Variants in FOXN3 observed in about 807,000 individuals in gnomAD.
The protein encoded by FOXN3 is forkhead box protein N3.
FOXN3 carries 7 observed loss-of-function variants against 38.4 expected under a neutral mutation model. The ratio of observed to expected loss-of-function variants is 0.18; its 90% CI spans 0.10 to 0.34. The LOEUF (loss-of-function observed/expected upper bound fraction) is 0.34, where lower values mean the gene tolerates loss of function less well. FOXN3 is among the 10% of genes least tolerant of loss of function. The pLI is 1.00. For missense variants in FOXN3, 456 were observed against 613.4 expected (o/e 0.74, Z 2.71); for synonymous variants, 230 against 242.2 (o/e 0.95, Z 0.47).
intron 4 of FOXN3, among the ~76,000 whole-genome samples, chr14:89,190,886 C>T (rs905395947): frequency 5.9e-5 from 9 of 152,048 alleles, no homozygotes; most frequent in African/African-American, 2.2e-4. Context: ...TAGTGAGATA[C>T]AAACAAGACA....
chr14:89,515,661 A>G (rs1358953774), intron 1 of FOXN3, among the ~76,000 whole-genome samples: 6 of 152,152 alleles, frequency 3.9e-5, no homozygotes, highest in African/African-American at 1.4e-4. Context: ...ACTTGAACCC[A>G]GGAGGTGGAG....
intron 1 of FOXN3, among the ~76,000 whole-genome samples, chr14:89,433,115 G>A (rs888473011): frequency 1.4e-4 from 22 of 152,296 alleles, no homozygotes; most frequent in South Asian, 6.2e-4. Context: ...TTGGGAGGCC[G>A]AGGCGGGGTG....
chr14:89,454,130 CCT>C (rs1892674198), intron 1 of FOXN3, among the ~76,000 whole-genome samples: 2 of 152,294 alleles, frequency 1.3e-5, no homozygotes, highest in African/African-American at 4.8e-5. Context: ...ATGGCGAAAC[CCT>C]GTCTCTTCTA....
intron 4 of FOXN3, 101 bp from the exon 5 acceptor site, chr14:89,180,907 A>C: frequency 1.1e-6 from 1 of 917,504 alleles, no homozygotes; most frequent in South Asian, 1.7e-5. Flanking sequence ...AGAGAGAGAG[A>C]GACAGAGGGC....
chr14:89,549,926 T>G (rs1341006635), intron 1 of FOXN3, among the ~76,000 whole-genome samples: 2 of 152,156 alleles, frequency 1.3e-5, no homozygotes, highest in Non-Finnish European at 2.9e-5. Flanking sequence ...AAGTCTTCAT[T>G]CACATTACAT....
chr14:89,262,831 A>G (rs1885848605), intron 4 of FOXN3, among the ~76,000 whole-genome samples: 1 of 152,244 alleles, frequency 6.6e-6, no homozygotes, highest in South Asian at 2.1e-4. Flanking sequence ...ATGTATGGAG[A>G]CTTTCAGTTT....
chr14:89,279,667 T>C (rs1381976219), intron 4 of FOXN3, among the ~76,000 whole-genome samples: 1 of 152,216 alleles, frequency 6.6e-6, no homozygotes, highest in Non-Finnish European at 1.5e-5. Context: ...GTGGAGGGAC[T>C]TCCTTTTGTT....
At chr14:89,214,440 G>A (rs1464227272) in intron 4 of FOXN3, among the ~76,000 whole-genome samples, 1 of 152,192 alleles carries the variant, frequency 6.6e-6, no homozygotes, top group Non-Finnish European at 1.5e-5. Context: ...TTGCTCCGCT[G>A]CCCCGACAAC....
chr14:89,604,255 ACGCG>A (rs10618382), intron 1 of FOXN3, among the ~76,000 whole-genome samples: 1 of 151,156 alleles, frequency 6.6e-6, no homozygotes, highest in Admixed American at 6.6e-5. Context: ...GCGCACACAC[ACGCG>A]CGCGCACACA....
chr14:89,236,076 C>T (rs1054928347), intron 4 of FOXN3, among the ~76,000 whole-genome samples: 6 of 152,186 alleles, frequency 3.9e-5, no homozygotes, highest in African/African-American at 1.2e-4. Flanking sequence ...GCAAGCTTTG[C>T]TCTATGAAAA....
intron 1 of FOXN3, among the ~76,000 whole-genome samples, chr14:89,443,187 AT>A (rs1892422559): frequency 6.6e-6 from 1 of 152,232 alleles, no homozygotes; most frequent in South Asian, 2.1e-4. Flanking sequence ...TGCATGACAA[AT>A]AATTAGCTAA....
intron 1 of FOXN3, among the ~76,000 whole-genome samples, chr14:89,487,672 G>C (rs765178152): frequency 1.3e-5 from 2 of 152,164 alleles, no homozygotes; most frequent in Non-Finnish European, 2.9e-5. Context: ...TCGCATCATG[G>C]AGGGATGAAG....
rs546295617 is a variant in FOXN3, at chr14:89,590,841, G to A, written c.-15+28187C>T. ...TCTGATTTACCTTGTCTGATAGTAGGTCATAAGACCCTCATTCCAGGGGAG... is the reference window on the plus strand; with the variant it reads ...TCTGATTTACCTTGTCTGATAGTAGATCATAAGACCCTCATTCCAGGGGAG... On this transcript the variant is annotated intron_variant, in intron 1 of 6. Transcript: ENST00000345097. Among the ~76,000 whole-genome samples the A allele has an allele frequency of 4.6e-5, 7 of 152,204 alleles. No individual in the cohort carries two copies. In the South Asian group the frequency reaches 1.2e-3, roughly 27 times the overall value.
intron 1 of FOXN3, among the ~76,000 whole-genome samples, chr14:89,496,608 T>C (rs1455786100): frequency 6.6e-6 from 1 of 152,076 alleles, no homozygotes; most frequent in Non-Finnish European, 1.5e-5. Flanking sequence ...CTGGCTGTCA[T>C]CCCCCTACAC....
chr14:89,371,759 A>G (rs1958070), intron 2 of FOXN3, among the ~76,000 whole-genome samples: 59,308 of 151,846 alleles, frequency 0.39, 14,117 homozygotes, highest in Admixed American at 0.55. Flanking sequence ...GAGTGAGGAT[A>G]AGAAAGTTAA....
intron 4 of FOXN3, among the ~76,000 whole-genome samples, chr14:89,209,896 T>A (rs77367068): frequency 0.021 from 3,256 of 152,354 alleles, 90 homozygotes; most frequent in African/African-American, 0.065. Flanking sequence ...GATGCACTGA[T>A]GAACTTCATT....
chr14:89,291,373 A>C (rs532213365), intron 3 of FOXN3: 10 of 591,958 alleles, frequency 1.7e-5, no homozygotes, highest in African/African-American at 1.1e-4. Context: ...CCCTTTCTGC[A>C]TAAGTCTCCA....
intron 4 of FOXN3, among the ~76,000 whole-genome samples, chr14:89,234,007 AT>A (rs1654693164): frequency 6.6e-6 from 1 of 152,126 alleles, no homozygotes; most frequent in African/African-American, 2.4e-5. Flanking sequence ...CCTCGTGTAG[AT>A]CCCAGAGACG....
chr14:89,453,981 C>T (rs1892670363), intron 1 of FOXN3, among the ~76,000 whole-genome samples: 1 of 149,992 alleles, frequency 6.7e-6, no homozygotes, highest in South Asian at 2.1e-4. Context: ...GGTGGGGTCC[C>T]CAAGATGAAA....
Sources: gnomAD v4.1 joint callset for allele counts (sites outside exome capture counted in the v4.1 genomes callset) on GRCh38, gnomAD v4.1.1 for gene constraint, MANE v1.5 for transcripts, NCBI Gene and HGNC (gene_info 2026-07-23, HGNC 2026-07-21) for gene names.